Variants in L1CAM observed in about 807,000 individuals in gnomAD.
L1CAM encodes neural cell adhesion molecule L1.
Under a neutral mutation model 93.0 loss-of-function variants are expected in L1CAM, and 8 were observed. The ratio of observed to expected loss-of-function variants is 0.09; its 90% CI spans 0.05 to 0.16. The LOEUF (loss-of-function observed/expected upper bound fraction) is 0.16, where lower values mean the gene tolerates loss of function less well. L1CAM is among the 10% of genes least tolerant of loss of function. L1CAM has a pLI of 1.00. For missense variants in L1CAM, 777 were observed against 1,073.4 expected, an observed-to-expected ratio of 0.72 and a Z score of 3.86; for synonymous variants, 453 against 453.0, an observed-to-expected ratio of 1.00 and a Z score of 0.00.
intron 16 of L1CAM, 44 bp from the exon 17 acceptor site, chrX:153,867,597 T>C (rs2064726031): frequency 8.8e-7 from 1 of 1,135,855 alleles, no homozygotes; most frequent in Non-Finnish European, 1.2e-6. Context: ...GCATGTGGCT[T>C]TGGGGGAAGG....
intron 1 of L1CAM, chrX:153,885,529 A>T: frequency 1.9e-6 from 1 of 516,056 alleles, no homozygotes; most frequent in African/African-American, 2.4e-5. Flanking sequence ...GGCAGCGCCC[A>T]GTCCCGTTCA....
chrX:153,870,301 C>T (rs149290876), intron 8 of L1CAM, 61 bp from the exon 9 acceptor site: 2 of 1,175,641 alleles, frequency 1.7e-6, no homozygotes, highest in Middle Eastern at 2.6e-4. Context: ...ATCACCCCAG[C>T]CCCCTATACC....
intron 18 of L1CAM, 31 bp downstream of exon 18, chrX:153,867,022 TC>T: frequency 8.5e-7 from 1 of 1,174,326 alleles, no homozygotes; most frequent in Non-Finnish European, 1.2e-6. Flanking sequence ...TGGCCTCATG[TC>T]CCCCAGGCAG....
chrX:153,869,420 G>A, intron 11 of L1CAM, 100 bp downstream of exon 11: 1 of 995,363 alleles, frequency 1.0e-6, no homozygotes, highest in South Asian at 2.0e-5. Context: ...CTGGTAGGCC[G>A]AGGACACATC....
intron 18 of L1CAM, 51 bp from the exon 19 acceptor site, chrX:153,866,922 C>A: frequency 8.8e-7 from 1 of 1,142,806 alleles, no homozygotes; most frequent in South Asian, 1.8e-5. Context: ...CACCAGCATT[C>A]TTTGGCCCGC....
At chrX:153,871,583 G>A (rs186684384) in intron 5 of L1CAM, among the ~76,000 whole-genome samples, 1 of 109,686 alleles carries the variant, frequency 9.1e-6, no homozygotes, top group Non-Finnish European at 1.9e-5. Flanking sequence ...CGGTTCCCAA[G>A]GTAACTGGAG....
Position 153,868,322 on chromosome X carries a change from C to T in L1CAM, c.1683G>A (p.Gln561=), listed in dbSNP as rs1557091761. The change falls in exon 14 of 29, where the codon CAG becomes CAA. Residue 561 remains glutamine, a synonymous_variant. Transcript: ENST00000370060. ...ITWRGDGRDL[Q]ELGDSDKYFI... The stretch of plus-strand genomic sequence containing the variant: ...CTCACTTGTCACTGTCCCCAAGCTC[C>T]TGGAGGTCTCGACCGTCCCCACGCC... 8.2e-7 allele frequency: 1 copy of T among 1,212,214 alleles called. No homozygotes were observed. The highest frequency in any genetic ancestry group is 2.2e-5 in the Admixed American group (1 of 46,092).
At chrX:153,885,913 C>T (rs2064878095) in intron 1 of L1CAM, 152 bp downstream of exon 1, 1 of 847,373 alleles carries the variant, frequency 1.2e-6, no homozygotes, top group Non-Finnish European at 1.4e-6. Context: ...GCCCGACGCC[C>T]GGCATGGGTG....
At chrX:153,883,267 C>A (rs908150380) in intron 1 of L1CAM, among the ~76,000 whole-genome samples, 1 of 110,191 alleles carries the variant, frequency 9.1e-6, no homozygotes, top group Admixed American at 9.6e-5. Flanking sequence ...AGAGCCCTGA[C>A]GGGAAGGGGG....
intron 1 of L1CAM, among the ~76,000 whole-genome samples, chrX:153,879,717 C>G (rs959389060): frequency 3.7e-5 from 4 of 106,993 alleles, no homozygotes; most frequent in Admixed American, 3.0e-4. Context: ...GAATGGCACA[C>G]TGCTGGCTGA....
rs1557090998 is a variant in L1CAM at position 153,866,763 on chromosome X, G to A, written c.2317C>T (p.Leu773=). The change falls in exon 19 of 29, where the codon CTG becomes TTG. Residue 773 remains leucine, a synonymous_variant. Transcript: ENST00000370060. ...AAGGTGGACGTGTTGGACACCACCA[G>A]GAAGGGGTCGCTGACAATCTGCTCC... ...WQEQIVSDPF[L]VVSNTSTFVP... The A allele has an allele frequency of 7.4e-6, 9 of 1,211,381 alleles. No homozygotes were observed. The highest frequency in any genetic ancestry group is 1.0e-5 in the Non-Finnish European group (9 of 895,116).
At chrX:153,873,127 G>A (rs1405389859) in intron 3 of L1CAM, 101 bp downstream of exon 3, 9 of 823,263 alleles carry the variant, frequency 1.1e-5, no homozygotes, top group Non-Finnish European at 1.7e-5. Flanking sequence ...AGCCGAGCAG[G>A]GCCCCGGCAC....
chrX:153,868,959 G>C lies in L1CAM; in HGVS notation c.1268-7C>G. The C allele has an allele frequency of 8.4e-7, 1 of 1,186,647 alleles. No homozygotes were observed. The highest frequency in any genetic ancestry group is 1.1e-6 in the Non-Finnish European group (1 of 872,425). On this transcript the variant is annotated splice_polypyrimidine_tract_variant and splice_region_variant and intron_variant, in intron 11 of 28. Coordinates refer to ENST00000370060, the MANE Select transcript of L1CAM (RefSeq NM_001278116.2). ...AGGATCTTGGCTGGCAGCTCTAGGG[G>C]AGGAACAGCCTCAGGAGACAGGGCA...
chrX:153,865,897 AGAGAAGAC>A, intron 19 of L1CAM, 78 bp from the exon 20 acceptor site: 1 of 647,729 alleles, frequency 1.5e-6, no homozygotes, highest in Non-Finnish European at 2.6e-6. Flanking sequence ...CCCTACACAC[AGAGAAGAC>A]GAATTCGGAT....
rs949460468 is a variant in L1CAM at position 153,871,271 on chromosome X, A to G, written c.401-92T>C. ...TGGGGGCAGGGGGGTGGCGGGCTAC[A>G]CCAGGGATGGACGAGGGGGCGAGAG... On this transcript the variant is annotated intron_variant, in intron 5 of 28. Coordinates refer to ENST00000370060, the MANE Select transcript of L1CAM (RefSeq NM_001278116.2). 5.0e-6 allele frequency: 4 copies of G among 804,243 alleles called. No individual in the cohort carries two copies. The African/African-American group carries it at 8.3e-5, about 17-fold the overall frequency. The allele number at this position is 804,243 out of a possible 1,213,427, so 66.3% of individuals were successfully genotyped here. A position where few individuals can be genotyped will look rare whatever the true frequency, so the allele number is the denominator to read the frequency against.
intron 9 of L1CAM, 54 bp from the exon 10 acceptor site, chrX:153,869,988 C>A: frequency 8.3e-7 from 1 of 1,209,808 alleles, no homozygotes; most frequent in African/African-American, 1.7e-5. Flanking sequence ...TGGCTCTTGA[C>A]CCGGCGCAGA....
Position 153,867,827 on chromosome X carries a change from C to T in L1CAM, c.1912G>A (p.Ala638Thr). The stretch of plus-strand genomic sequence containing the variant: ...TCAATGGGGGCATTGTGGTCTTCTG[C>T]AGGACTCCAGGACACGCGCACCTGG... Reference protein sequence around the residue: ...QSQVRVSWSPAEDHNAPIEKY... With the variant: ...QSQVRVSWSPTEDHNAPIEKY... The change falls in exon 16 of 29, where the codon GCA (alanine) becomes ACA (threonine). Residue 638 changes from alanine to threonine, a missense_variant. Ala to Thr is a moderately conservative substitution (Grantham distance 58, BLOSUM62 0). This residue lies in a region of L1CAM where 574 missense variants were observed against 781.0 expected (regional missense o/e 0.73). Transcript: ENST00000370060. 1 of 1,209,712 alleles carries T rather than the reference C, an allele frequency of 8.3e-7. No individual in the cohort carries two copies. Among genetic ancestry groups the T allele is most frequent in the African/African-American group, 1.7e-5 (1 of 57,740 alleles).
In L1CAM at chrX:153,868,028, C is replaced by T. The variant is rs530446601; in HGVS notation, c.1798G>A (p.Val600Met). Residue 600 changes from valine to methionine, a missense_variant, in exon 15 of 29, where the codon GTG becomes ATG. By Grantham distance (21) the Val-to-Met change is conservative (BLOSUM62 1). Coordinates refer to ENST00000370060, the MANE Select transcript of L1CAM (RefSeq NM_001278116.2). Reference protein sequence around the residue: ...SCVASTELDVVESRAQLLVVG... With the variant: ...SCVASTELDVMESRAQLLVVG... ...ACCAAGAGCTGTGCCCTACTCTCCA[C>T]CACATCCAGTTCGGTACTGGCCACG... The T allele has an allele frequency of 2.5e-6, 3 of 1,211,298 alleles. No homozygotes were observed. Among genetic ancestry groups the T allele is most frequent in the Non-Finnish European group, 3.4e-6 (3 of 895,353 alleles).
chrX:153,879,934 C>T (rs1557095392), intron 1 of L1CAM, among the ~76,000 whole-genome samples: 1 of 111,988 alleles, frequency 8.9e-6, no homozygotes, highest in East Asian at 2.8e-4. Flanking sequence ...ACAGTGGCCG[C>T]TGTGCTGGGG....
Sources: allele counts gnomAD v4.1 joint callset (sites outside exome capture counted in the v4.1 genomes callset), GRCh38; gene constraint gnomAD v4.1.1; regional missense constraint gnomAD v4.1.1; transcripts MANE v1.5; gene names NCBI Gene and HGNC (gene_info 2026-07-23, HGNC 2026-07-21).